Variants in RTN1 observed in about 807,000 individuals in gnomAD.
RTN1 encodes the protein reticulon-1.
RTN1 carries 25 observed loss-of-function variants against 65.5 expected under a neutral mutation model. The ratio of observed to expected loss-of-function variants is 0.38; its 90% CI spans 0.28 to 0.53. The LOEUF (loss-of-function observed/expected upper bound fraction) is 0.53, where lower values mean the gene tolerates loss of function less well. RTN1 is among the 20% of genes least tolerant of loss of function. The pLI is 0.79. For missense variants in RTN1, 983 were observed against 1,025.4 expected (o/e 0.96, Z 0.57); for synonymous variants, 471 against 447.6 (o/e 1.05, Z -0.66).
chr14:59,676,778 CG>C (rs148918318), intron 3 of RTN1, among the ~76,000 whole-genome samples: 531 of 152,258 alleles, frequency 3.5e-3, no homozygotes, highest in African/African-American at 0.012. Context: ...TGCACTTTAA[CG>C]GGTTTCTAAG....
chr14:59,767,546 T>C (rs947832047), intron 1 of RTN1, among the ~76,000 whole-genome samples: 3 of 152,190 alleles, frequency 2.0e-5, no homozygotes, highest in Non-Finnish European at 4.4e-5. Context: ...GCCTATACCC[T>C]AACCAATACA....
At chr14:59,622,858 A>G (rs1046538074) in intron 3 of RTN1, among the ~76,000 whole-genome samples, 3 of 152,196 alleles carry the variant, frequency 2.0e-5, no homozygotes, top group African/African-American at 4.8e-5. Flanking sequence ...ACTTCTGCTG[A>G]TAAGACACCT....
At chr14:59,649,683 A>G (rs1882982037) in intron 3 of RTN1, among the ~76,000 whole-genome samples, 1 of 152,266 alleles carries the variant, frequency 6.6e-6, no homozygotes, top group Admixed American at 6.5e-5. Flanking sequence ...AGAAATGCAA[A>G]TCAAAACCAC....
chr14:59,731,667 C>T (rs1369174099), intron 2 of RTN1, among the ~76,000 whole-genome samples: 3 of 152,160 alleles, frequency 2.0e-5, no homozygotes, highest in African/African-American at 7.2e-5. Flanking sequence ...TACTGCTTGC[C>T]TCAGTTCACT....
intron 2 of RTN1, among the ~76,000 whole-genome samples, chr14:59,734,715 C>T (rs1884969234): frequency 6.6e-6 from 1 of 152,078 alleles, no homozygotes. Flanking sequence ...TGAACAAAAC[C>T]TCTGAGAAAT....
chr14:59,745,620 G>T, intron 2 of RTN1, 88 bp downstream of exon 2: 2 of 1,184,276 alleles, frequency 1.7e-6, no homozygotes, highest in South Asian at 1.6e-5. Context: ...TATGTTGAAT[G>T]AAAATTGTCA....
chr14:59,633,041 T>C (rs1050063471), intron 3 of RTN1, among the ~76,000 whole-genome samples: 1 of 152,154 alleles, frequency 6.6e-6, no homozygotes, highest in Non-Finnish European at 1.5e-5. Flanking sequence ...AGATCGAGGC[T>C]GCAGTGAGTT....
chr14:59,812,735 C>T (rs1484868455), intron 1 of RTN1, among the ~76,000 whole-genome samples: 5 of 152,156 alleles, frequency 3.3e-5, no homozygotes, highest in Non-Finnish European at 5.9e-5. Context: ...TAAAACTATT[C>T]CCTAGTATAT....
chr14:59,664,612 A>G (rs1412056032), intron 3 of RTN1, among the ~76,000 whole-genome samples: 1 of 152,212 alleles, frequency 6.6e-6, no homozygotes, highest in Non-Finnish European at 1.5e-5. Flanking sequence ...GCCCATGTGT[A>G]TTAACTATAT....
chr14:59,869,441 C>T (rs1887851895), intron 1 of RTN1, among the ~76,000 whole-genome samples: 1 of 152,088 alleles, frequency 6.6e-6, no homozygotes, highest in African/African-American at 2.4e-5. Context: ...TTAACCAGGC[C>T]GGCAGCCTCA....
chr14:59,611,485 G>A (rs1943152101), intron 3 of RTN1, among the ~76,000 whole-genome samples: 1 of 152,172 alleles, frequency 6.6e-6, no homozygotes, highest in South Asian at 2.1e-4. Flanking sequence ...CCATTGCAGG[G>A]TGTCCAGATT....
At chr14:59,664,700 AT>A (rs547476344) in intron 3 of RTN1, among the ~76,000 whole-genome samples, 2 of 151,912 alleles carry the variant, frequency 1.3e-5, no homozygotes, top group African/African-American at 4.8e-5. Flanking sequence ...CTTTTTATTT[AT>A]TTTTTTCTGA....
At chr14:59,755,947 T>C (rs1885628584) in intron 1 of RTN1, among the ~76,000 whole-genome samples, 3 of 152,220 alleles carry the variant, frequency 2.0e-5, no homozygotes, top group African/African-American at 7.2e-5. Flanking sequence ...GCCAGAATAA[T>C]AGATTTCGCT....
intron 1 of RTN1, among the ~76,000 whole-genome samples, chr14:59,747,258 G>A (rs1885246779): frequency 6.6e-6 from 1 of 152,180 alleles, no homozygotes; most frequent in Non-Finnish European, 1.5e-5. Context: ...TGAGTCTATA[G>A]AATATTTTCA....
chr14:59,605,014 T>C (rs1006715293), intron 5 of RTN1: 1 of 162,396 alleles, frequency 6.2e-6, no homozygotes, highest in Non-Finnish European at 1.3e-5. Context: ...CCTATCTAGA[T>C]TTTTTATCTT....
chr14:59,718,806 T>C (rs536795906), intron 3 of RTN1, among the ~76,000 whole-genome samples: 1 of 152,224 alleles, frequency 6.6e-6, no homozygotes, highest in Non-Finnish European at 1.5e-5. Context: ...TATTTTTGCA[T>C]CTCTTTGTAA....
At chr14:59,741,404 T>G (rs1885114634) in intron 2 of RTN1, among the ~76,000 whole-genome samples, 1 of 152,164 alleles carries the variant, frequency 6.6e-6, no homozygotes, top group African/African-American at 2.4e-5. Context: ...TCATAACCAT[T>G]ATAACTACCT....
At chr14:59,787,607 G>C (rs1277460557) in intron 1 of RTN1, among the ~76,000 whole-genome samples, 3 of 152,172 alleles carry the variant, frequency 2.0e-5, no homozygotes, top group Admixed American at 6.5e-5. Context: ...AAATGGCCAT[G>C]AATGTGATAA....
At chr14:59,847,056 T>C (rs1207107456) in intron 1 of RTN1, among the ~76,000 whole-genome samples, 1 of 152,212 alleles carries the variant, frequency 6.6e-6, no homozygotes, top group Non-Finnish European at 1.5e-5. Context: ...TTCCCTATGC[T>C]TCATCTTGCT....
Sources: gnomAD v4.1 joint callset for allele counts (sites outside exome capture counted in the v4.1 genomes callset) on GRCh38, gnomAD v4.1.1 for gene constraint, MANE v1.5 for transcripts, NCBI Gene and HGNC (gene_info 2026-07-23, HGNC 2026-07-21) for gene names.